BRI3: variants seen among roughly 807,000 people sequenced by gnomAD.
BRI3 encodes the protein membrane protein BRI3.
In BRI3, 6 loss-of-function variants were observed where a neutral mutation model predicts 12.8. The ratio of observed to expected loss-of-function variants is 0.47; its 90% confidence interval spans 0.26 to 0.93. The LOEUF (loss-of-function observed/expected upper bound fraction) is 0.93, where lower values mean the gene tolerates loss of function less well. Among genes scored for constraint, BRI3 ranks in the 40% least tolerant of loss-of-function variants. BRI3 has a pLI of 0.15. For missense variants in BRI3, 134 were observed against 171.1 expected (o/e 0.78, Z 1.21); for synonymous variants, 91 against 76.1 (o/e 1.20, Z -1.02).
chr7:98,315,637 T>TAATAAG, the BRI3 span: 1 of 1,083,040 alleles, frequency 9.2e-7, no homozygotes. Flanking sequence ...ATAATAATAA[T>TAATAAG]AATAATTATA....
chr7:98,319,548 CT>C, the BRI3 span, among the ~76,000 whole-genome samples: 287 of 138,460 alleles, frequency 2.1e-3, no homozygotes, highest in African/African-American at 2.7e-3. Flanking sequence ...TTTCCTATGC[CT>C]TTTTTTTTTT....
At chr7:98,304,222 C>G, upstream of BRI3, 1 of 1,609,528 alleles carries the variant, frequency 6.2e-7, no homozygotes, top group Non-Finnish European at 8.5e-7. Flanking sequence ...GGCTTGGACG[C>G]TGGGGCCTTA....
intron 2 of BRI3, among the ~76,000 whole-genome samples, chr7:98,288,707 A>G (rs893767848): frequency 6.6e-6 from 1 of 151,910 alleles, no homozygotes; most frequent in Non-Finnish European, 1.5e-5. Flanking sequence ...TGTAGGAGAA[A>G]AGTTTCCCAA....
chr7:98,295,150 G>A (rs1481391903), downstream of BRI3, among the ~76,000 whole-genome samples: 2 of 152,226 alleles, frequency 1.3e-5, no homozygotes, highest in African/African-American at 4.8e-5. Context: ...CATGCCCGAT[G>A]CCAGCGCTAG....
chr7:98,293,740 G>C, downstream of BRI3: 1 of 768,594 alleles, frequency 1.3e-6, no homozygotes, highest in Non-Finnish European at 2.2e-6. Flanking sequence ...AGCGTTTTCT[G>C]AGTGTGAAAG....
chr7:98,298,456 C>G (rs1800280843), intron 1 of BRI3, among the ~76,000 whole-genome samples: 1 of 152,088 alleles, frequency 6.6e-6, no homozygotes, highest in Non-Finnish European at 1.5e-5. Flanking sequence ...AATAAAAATA[C>G]AAAAAACTTA....
chr7:98,282,054 C>T, intron 1 of BRI3, 117 bp downstream of exon 1: 1 of 1,300,832 alleles, frequency 7.7e-7, no homozygotes, highest in Non-Finnish European at 9.8e-7. Flanking sequence ...AGCTGGAGGT[C>T]CCCGGGCTGG....
downstream of BRI3, chr7:98,293,095 C>A: frequency 2.0e-6 from 1 of 502,226 alleles, no homozygotes; most frequent in Non-Finnish European, 2.7e-6. Context: ...TACGTGATAT[C>A]TTCTTTAGAC....
intron 2 of BRI3, among the ~76,000 whole-genome samples, chr7:98,283,524 G>A (rs1224927870): frequency 2.1e-5 from 3 of 146,044 alleles, no homozygotes; most frequent in Non-Finnish European, 4.5e-5. Context: ...TTAGCCTTTG[G>A]AGTGAAGGTG....
At chr7:98,320,216 A>G in the BRI3 span, 3 of 1,598,706 alleles carry the variant, frequency 1.9e-6, no homozygotes, top group Non-Finnish European at 2.6e-6. Flanking sequence ...TATTTTGTAA[A>G]TAGAAACACA....
intron 2 of BRI3, among the ~76,000 whole-genome samples, chr7:98,286,865 T>C (rs2116717311): frequency 6.6e-6 from 1 of 152,386 alleles, no homozygotes; most frequent in East Asian, 1.9e-4. Context: ...GGTCACATGT[T>C]GCTGCCAGGT....
intron 1 of BRI3, among the ~76,000 whole-genome samples, 165 bp downstream of exon 1, chr7:98,282,102 C>G (rs951467832): frequency 6.6e-6 from 1 of 152,170 alleles, no homozygotes; most frequent in Non-Finnish European, 1.5e-5. Flanking sequence ...AGCCTCCCCC[C>G]CGGGGCTCTA....
downstream of BRI3, among the ~76,000 whole-genome samples, chr7:98,312,645 A>G (rs141251780): frequency 4.1e-4 from 62 of 152,282 alleles, no homozygotes; most frequent in African/African-American, 1.4e-3. Context: ...CACTCCTACT[A>G]AAAGCAGCAC....
intron 2 of BRI3, among the ~76,000 whole-genome samples, chr7:98,284,520 C>G (rs1477620632): frequency 6.6e-6 from 1 of 152,198 alleles, no homozygotes; most frequent in African/African-American, 2.4e-5. Context: ...ACACAACACA[C>G]ACGTCTGGCC....
At chr7:98,306,697 T>C (rs1371884356) in intron 1 of BRI3, 3 of 903,258 alleles carry the variant, frequency 3.3e-6, no homozygotes, top group Non-Finnish European at 3.2e-6. Context: ...CACTGAACAA[T>C]GTGTATTGTT....
rs144230390 is a variant in BRI3 at position 98,282,348 on chromosome 7, C to T, written c.143-3C>T. The T allele has an allele frequency of 1.9e-4, 312 of 1,612,972 alleles. 2 individuals are homozygous for T. The East Asian group carries it at 6.9e-3, about 36-fold the overall frequency. ...CCCTAATGACCTGCTTTCCCGCCCACAGGGATACCCACCCACCATCCCAGG... is the reference window on the plus strand; with the variant it reads ...CCCTAATGACCTGCTTTCCCGCCCATAGGGATACCCACCCACCATCCCAGG... On this transcript the variant is annotated splice_region_variant and splice_polypyrimidine_tract_variant and intron_variant, in intron 1 of 2. Transcript: ENST00000297290.
downstream of BRI3, chr7:98,294,136 T>C (rs1477632113): frequency 1.9e-6 from 3 of 1,612,480 alleles, no homozygotes; most frequent in Non-Finnish European, 8.5e-7. Flanking sequence ...AAGAAGTTTA[T>C]GGAGGGCTTA....
At chr7:98,292,120 G>A (rs1799984398), downstream of BRI3, 2 of 155,670 alleles carry the variant, frequency 1.3e-5, no homozygotes, top group South Asian at 3.8e-4. Flanking sequence ...GCTGGAAGGA[G>A]CCTGAAGCAT....
chr7:98,308,053 GC>G, exon 2 of BRI3: 2 of 761,664 alleles, frequency 2.6e-6, no homozygotes, highest in Non-Finnish European at 4.6e-6. Context: ...TTTGATCATT[GC>G]CCAGAAGGAA....
Sources: allele counts gnomAD v4.1 joint callset (sites outside exome capture counted in the v4.1 genomes callset), GRCh38; gene constraint gnomAD v4.1.1; transcripts MANE v1.5; gene names NCBI Gene and HGNC (gene_info 2026-07-23, HGNC 2026-07-21).